The following WDR1 variants were observed in gnomAD, a reference collection of about 807,000 sequenced individuals.
WDR1 encodes the protein WD repeat domain 1.
WDR1 carries 21 observed loss-of-function variants against 71.9 expected under a neutral mutation model. The observed-to-expected ratio is 0.29, with a 90% CI of 0.21 to 0.42. WDR1 has a LOEUF of 0.42. Ranked by LOEUF, WDR1 falls within the 10% of genes least tolerant of loss-of-function variation. The probability of loss-of-function intolerance (pLI) is 1.00; values close to 1 mark genes in which losing one functional copy is unlikely to be tolerated. For synonymous variants in WDR1, 424 were observed against 347.4 expected, an observed-to-expected ratio of 1.22 and a Z score of -2.45; for missense variants, 696 against 824.5, an observed-to-expected ratio of 0.84 and a Z score of 1.91.
intron 10 of WDR1, 56 bp downstream of exon 10, chr4:10,082,966 C>G: frequency 6.4e-7 from 1 of 1,558,718 alleles, no homozygotes; most frequent in Non-Finnish European, 8.7e-7. Flanking sequence ...AGGGCACAAG[C>G]CCTCCGAGGG....
At chr4:10,084,278 C>G (rs2241472) in intron 9 of WDR1, 165 bp downstream of exon 9, 117,548 of 619,122 alleles carry the variant, frequency 0.19, 12,602 homozygotes, top group Middle Eastern at 0.24. Flanking sequence ...TTGCCTGTCC[C>G]CATGTACAGA....
Position 10,093,796 on chromosome 4 carries a change from C to CACAG in WDR1, c.558+3911_558+3914dup, listed in dbSNP as rs372754902. Among the ~76,000 whole-genome samples the CACAG allele has an allele frequency of 3.3e-3, 487 of 146,760 alleles. 2 individuals carry two copies. Among genetic ancestry groups the CACAG allele is most frequent in the African/African-American group, 0.011 (441 of 41,330 alleles). On this transcript the variant is annotated intron_variant, in intron 5 of 14. Transcript: ENST00000499869. ...AAGGGAGGCGGTCCTGCATGCCCAT[C>CACAG]ACAGGGGCATGGCCCAGGCAGCCAC... is the stretch of plus-strand genomic sequence containing the variant.
At chr4:10,113,799 A>G (rs1276066805) in intron 2 of WDR1, among the ~76,000 whole-genome samples, 1 of 152,256 alleles carries the variant, frequency 6.6e-6, no homozygotes, top group African/African-American at 2.4e-5. Flanking sequence ...GTAGCGAAGC[A>G]GAGAGTGAAA....
rs79133792 is a variant in WDR1, at chr4:10,084,346, G to C, written c.1039+97C>G. The stretch of plus-strand genomic sequence containing the variant: ...GAGCGTGTGGCTGTGGCTGCAGCTG[G>C]AGCCACCTGGCTGGCCTGGCCTCTG... On this transcript the variant is annotated intron_variant, in intron 9 of 14. Coordinates refer to ENST00000499869, the MANE Select transcript of WDR1 (RefSeq NM_017491.5). The C allele has an allele frequency of 5.2e-3, 5,856 of 1,131,768 alleles. 197 individuals carry two copies. The East Asian group carries it at 0.075, about 15-fold the overall frequency. The allele number at this position is 1,131,768 out of a possible 1,614,324, so 70.1% of individuals were successfully genotyped here.
chr4:10,077,437 A>T lies in WDR1; in HGVS notation c.1581T>A (p.Val527=). The change falls in exon 14 of 15, where the codon GTT becomes GTA. Residue 527 remains valine (V), a synonymous_variant. Transcript: ENST00000499869. The part of the protein sequence containing the change: ...SVADGYSENN[V]FYGHHAKIVC... The stretch of plus-strand genomic sequence containing the variant: ...CGATTTTTGCATGGTGTCCATAAAA[A>T]ACATTGTTCTCCTAGTTGCAGGTTG... 2.5e-6 allele frequency: 4 copies of T among 1,613,974 alleles called. No individual in the cohort carries two copies. The highest frequency in any genetic ancestry group is 3.4e-6 in the Non-Finnish European group (4 of 1,179,858).
chr4:10,087,629 G>T, intron 8 of WDR1, 78 bp downstream of exon 8: 1 of 1,393,680 alleles, frequency 7.2e-7, no homozygotes, highest in Admixed American at 2.4e-5. Flanking sequence ...CTTCCCCTCG[G>T]TTCCCCTTCC....
At chr4:10,080,519 C>A (rs767300133) in intron 11 of WDR1, among the ~76,000 whole-genome samples, 26 of 152,210 alleles carry the variant, frequency 1.7e-4, no homozygotes, top group Non-Finnish European at 5.9e-5. Flanking sequence ...ACAGAGAAAT[C>A]CACTGTCCCT....
chr4:10,088,334 C>G lies in WDR1; in HGVS notation c.676G>C (p.Ala226Pro). ...TCGTGGGCCTTGCTTCCGCCCAGCG[C>G]GCACACCTTCTCCCCAGTCTTCCCG... is the stretch of plus-strand genomic sequence containing the variant. ...YDGKTGEKVC[A>P]LGGSKAHDGG... is the part of the protein sequence containing the mutation. The change falls in exon 7 of 15, where the codon GCG (alanine) becomes CCG (proline). Residue 226 changes from alanine to proline, a missense_variant. Physicochemically the swap from Ala to Pro is conservative, Grantham distance 27. Transcript: ENST00000499869. The G allele has an allele frequency of 1.3e-6, 2 of 1,559,492 alleles. No individual in the cohort carries two copies. Among genetic ancestry groups the G allele is most frequent in the Non-Finnish European group, 1.7e-6 (2 of 1,151,238 alleles).
intron 2 of WDR1, 88 bp from the exon 3 acceptor site, chr4:10,104,074 G>T: frequency 7.4e-7 from 1 of 1,357,356 alleles, no homozygotes; most frequent in South Asian, 1.3e-5. Flanking sequence ...GGGGTGAAAG[G>T]GGTGTACAAA....
intron 6 of WDR1, 96 bp from the exon 7 acceptor site, chr4:10,088,469 C>G (rs1382431870): frequency 7.6e-7 from 1 of 1,309,146 alleles, no homozygotes. Context: ...AACCGGGGCT[C>G]ACAGACTAAG....
At chr4:10,077,209 G>T (rs1764832911) in intron 14 of WDR1, 95 bp downstream of exon 14, 1 of 1,501,468 alleles carries the variant, frequency 6.7e-7, no homozygotes, top group Non-Finnish European at 9.1e-7. Context: ...AGGCTACTTA[G>T]CCCTGGGGAC....
rs73807211 is a variant in WDR1, at chr4:10,092,927, G to A, written c.559-4186C>T. Reference sequence around the variant, plus strand: ...CCCTGGTGGACAACTGACGGTGTCCGGTCCACACTCCTGCCTGTCCTCCCT... The same window carrying A: ...CCCTGGTGGACAACTGACGGTGTCCAGTCCACACTCCTGCCTGTCCTCCCT... On this transcript the variant is annotated intron_variant, in intron 5 of 14. Transcript: ENST00000499869. 3.8e-3 allele frequency: 2,172 copies of A among 572,522 alleles called. 27 individuals carry two copies. The highest frequency in any genetic ancestry group is 0.037 in the African/African-American group (1,956 of 52,452). 35.5% of individuals were successfully genotyped at this position (572,522 alleles called of 1,614,324 possible).
At chr4:10,104,030 A>T (rs1464795058) in intron 2 of WDR1, 44 bp from the exon 3 acceptor site, 1 of 1,549,440 alleles carries the variant, frequency 6.5e-7, no homozygotes, top group Admixed American at 1.9e-5. Flanking sequence ...ATGGAGAAGC[A>T]GTCAAGCTTC....
chr4:10,093,779 C>T (rs1029675490), intron 5 of WDR1, among the ~76,000 whole-genome samples: 3 of 149,208 alleles, frequency 2.0e-5, no homozygotes, highest in South Asian at 2.1e-4. Flanking sequence ...ACAAGGGAGG[C>T]GGTCCTGCAT....
At chr4:10,089,344 T>C (rs777949320) in intron 5 of WDR1, among the ~76,000 whole-genome samples, 1 of 152,230 alleles carries the variant, frequency 6.6e-6, no homozygotes, top group South Asian at 2.1e-4. Context: ...CCTGACCTCA[T>C]GTTTCCCCGC....
At position 10,088,393 on chromosome 4, in the gene WDR1, T is replaced by C. The variant is rs1014353961; in HGVS notation, c.637-20A>G. On this transcript the variant is annotated intron_variant, in intron 6 of 14. Transcript: ENST00000499869. ...GTATATCTTCCAAGAAATAAAAACA[T>C]GTGGGTCATGTGTGTGTGAACACCC... The C allele has an allele frequency of 6.5e-7, 1 of 1,550,276 alleles. No homozygotes were observed. The highest frequency in any genetic ancestry group is 1.2e-5 in the South Asian group (1 of 84,052).
intron 2 of WDR1, among the ~76,000 whole-genome samples, chr4:10,105,427 C>A (rs1181145933): frequency 6.6e-6 from 1 of 152,166 alleles, no homozygotes; most frequent in Non-Finnish European, 1.5e-5. Context: ...TAAATTAATC[C>A]ATTTTGGGAT....
chr4:10,082,821 A>G (rs1765067867), intron 10 of WDR1, among the ~76,000 whole-genome samples: 1 of 152,212 alleles, frequency 6.6e-6, no homozygotes, highest in Non-Finnish European at 1.5e-5. Flanking sequence ...TCTGTGGGCA[A>G]GAGCATTACC....
chr4:10,083,086 G>T lies in WDR1; in HGVS notation c.1132C>A (p.Gln378Lys). ...TCGTCCATGCTGCAGCTGATGAGCT[G>T]CCCCGACTCATCCACGGTCATCCTG... Reference protein sequence around the residue: ...VSRMTVDESGQLISCSMDDTV... With the variant: ...VSRMTVDESGKLISCSMDDTV... Residue 378 changes from glutamine to lysine, a missense_variant, in exon 10 of 15, where the codon CAG becomes AAG. Gln to Lys is a moderately conservative substitution (Grantham distance 53). Transcript: ENST00000499869. The T allele has an allele frequency of 6.2e-7, 1 of 1,613,918 alleles. No individual in the cohort carries two copies. Among genetic ancestry groups the T allele is most frequent in the Non-Finnish European group, 8.5e-7 (1 of 1,179,880 alleles).
Sources: gnomAD v4.1 joint callset for allele counts (sites outside exome capture counted in the v4.1 genomes callset) on GRCh38, gnomAD v4.1.1 for gene constraint, MANE v1.5 for transcripts, NCBI Gene and HGNC (gene_info 2026-07-23, HGNC 2026-07-21) for gene names.